Variants in TOP2B observed in about 807,000 individuals in gnomAD.
TOP2B encodes DNA topoisomerase 2-beta.
A neutral mutation model predicts 193.5 loss-of-function variants in TOP2B; 51 were observed. That is an observed-to-expected ratio of 0.26 (90% CI 0.21 to 0.33). TOP2B has a LOEUF of 0.33. Ranked by LOEUF, TOP2B falls within the 10% of genes least tolerant of loss-of-function variation. TOP2B has a pLI of 1.00. For missense variants in TOP2B, 1,378 were observed against 1,909.3 expected (o/e 0.72, Z 5.19); for synonymous variants, 634 against 635.7 (o/e 1.00, Z 0.04).
intron 1 of TOP2B, among the ~76,000 whole-genome samples, chr3:25,663,963 G>A (rs1053481912): frequency 6.6e-6 from 1 of 152,134 alleles, no homozygotes; most frequent in African/African-American, 2.4e-5. Context: ...AGCGGGGGCT[G>A]TATGTTACGT....
intron 28 of TOP2B, among the ~76,000 whole-genome samples, chr3:25,611,504 C>T (rs1291193945): frequency 3.3e-5 from 5 of 152,280 alleles, no homozygotes; most frequent in Admixed American, 2.6e-4. Flanking sequence ...GCTATATTCC[C>T]ACCTACTTGT....
intron 23 of TOP2B, 34 bp downstream of exon 23, chr3:25,619,828 A>G: frequency 6.7e-7 from 1 of 1,487,800 alleles, no homozygotes; most frequent in South Asian, 1.1e-5. Flanking sequence ...ACCATGCAAG[A>G]AAGATTAAAT....
intron 4 of TOP2B, among the ~76,000 whole-genome samples, chr3:25,640,583 T>A (rs1575581001): frequency 6.6e-6 from 1 of 152,122 alleles, no homozygotes; most frequent in East Asian, 1.9e-4. Flanking sequence ...TACACAAAAA[T>A]GTTTGCTGAT....
At chr3:25,621,553 G>T (rs976313250) in intron 21 of TOP2B, among the ~76,000 whole-genome samples, 22 of 152,038 alleles carry the variant, frequency 1.4e-4, no homozygotes, top group Admixed American at 1.4e-3. Flanking sequence ...TAGAGACAGG[G>T]TTTTGCCATG....
intron 33 of TOP2B, among the ~76,000 whole-genome samples, chr3:25,602,644 G>C (rs749631673): frequency 3.3e-5 from 5 of 152,118 alleles, no homozygotes; most frequent in African/African-American, 1.2e-4. Context: ...TCCCACCTGA[G>C]TCTTCATGAC....
intron 11 of TOP2B, 38 bp from the exon 12 acceptor site, chr3:25,630,507 TCATA>T: frequency 6.8e-7 from 1 of 1,468,166 alleles, no homozygotes; most frequent in Non-Finnish European, 9.1e-7. Flanking sequence ...TAAAAATTTC[TCATA>T]CTTTCACTGA....
rs376377866 is a variant in TOP2B, at chr3:25,633,912, C to T, written c.955G>A (p.Asp319Asn). 8 of 1,613,092 alleles carry T rather than the reference C, an allele frequency of 5.0e-6. No individual in the cohort carries two copies. The highest frequency in any genetic ancestry group is 6.8e-6 in the Non-Finnish European group (8 of 1,179,416). Residue 319 changes from aspartate to asparagine, a missense_variant, in exon 8 of 36, where the codon GAT (aspartate) becomes AAT (asparagine). By Grantham distance (23) the Asp-to-Asn change is conservative. Around this residue, in one of 9 missense-constraint regions of TOP2B, gnomAD observed 222 missense variants for 306.6 expected, o/e 0.72. Coordinates refer to ENST00000264331, the MANE Select transcript of TOP2B (RefSeq NM_001330700.2). ...TTTTCACTCAATGTGAGACAAACAT[C>T]CCATCTTTCATTTGCAAGCTCATGA... ...VIHELANERWDVCLTLSEKGF... is the reference protein window; with the variant it reads ...VIHELANERWNVCLTLSEKGF...
chr3:25,605,698 C>T (rs141124093), intron 32 of TOP2B, among the ~76,000 whole-genome samples: 5 of 152,112 alleles, frequency 3.3e-5, no homozygotes, highest in East Asian at 1.9e-4. Context: ...AGAAAACTGT[C>T]GTATATACAT....
Position 25,624,764 on chromosome 3 carries a change from A to G in TOP2B, c.2264T>C (p.Phe755Ser), listed in dbSNP as rs1702749455. Residue 755 changes from phenylalanine to serine, a missense_variant, in exon 19 of 36, where the codon TTC becomes TCC. Transcript: ENST00000264331. ...PGQRKVLFTC[F>S]KRNDKREVKV... is the part of the protein sequence containing the mutation. ...TACTTCACGTTTATCATTCCTCTTGAAACAGGTAAATAAAACTTTCCGCTG... is the reference window on the plus strand; with the variant it reads ...TACTTCACGTTTATCATTCCTCTTGGAACAGGTAAATAAAACTTTCCGCTG... 1 of 1,613,572 alleles carries G rather than the reference A, an allele frequency of 6.2e-7. No individual in the cohort carries two copies. The highest frequency in any genetic ancestry group is 1.3e-5 in the African/African-American group (1 of 74,914).
chr3:25,609,793 G>A, intron 28 of TOP2B, 81 bp from the exon 29 acceptor site: 1 of 1,340,346 alleles, frequency 7.5e-7, no homozygotes, highest in Non-Finnish European at 9.8e-7. Flanking sequence ...TCAACAGATA[G>A]CGCCTTCAAA....
chr3:25,640,652 A>C (rs1179950643), intron 4 of TOP2B, among the ~76,000 whole-genome samples: 1 of 152,098 alleles, frequency 6.6e-6, no homozygotes, highest in African/African-American at 2.4e-5. Flanking sequence ...ATTATGTTGA[A>C]TTACTCTTTC....
Position 25,639,602 on chromosome 3 carries a change from A to G in TOP2B, c.396-1292T>C, listed in dbSNP as rs1703202986. Among the ~76,000 whole-genome samples the G allele has an allele frequency of 1.3e-5, 2 of 152,212 alleles. 1 individual carries two copies. Among genetic ancestry groups the G allele is most frequent in the Admixed American group, 1.3e-4 (2 of 15,276 alleles). ...ATTACAGGCGTGAGCCACCGCGCCC[A>G]GCCTCCACATTTGTTTTTAATCAGA... On this transcript the variant is annotated intron_variant, in intron 4 of 35. Transcript: ENST00000264331.
chr3:25,609,460 A>G lies in TOP2B; in HGVS notation c.3931+108T>C, dbSNP rs1702315368. Reference sequence around the variant, plus strand: ...CAAAATAAACGTTTATGAAAATTGAAGGCATTATTTCAACTACCAGAAAAA... The same window carrying G: ...CAAAATAAACGTTTATGAAAATTGAGGGCATTATTTCAACTACCAGAAAAA... On this transcript the variant is annotated intron_variant, in intron 29 of 35. Transcript: ENST00000264331. 19 of 1,466,248 alleles carry G rather than the reference A, an allele frequency of 1.3e-5. No homozygotes were observed. The South Asian group carries it at 2.5e-4, about 19-fold the overall frequency. 90.8% of individuals were successfully genotyped at this position (1,466,248 alleles called of 1,614,324 possible). A position where few individuals can be genotyped will look rare whatever the true frequency, so the allele number is the denominator to read the frequency against.
Position 25,629,018 on chromosome 3 carries a change from A to G in TOP2B, c.1800+17T>C. ...CTTTAAGACAACAATATAAAAATAT[A>G]TTAATGCAAAGAGTACCTTTACAAT... On this transcript the variant is annotated intron_variant, in intron 14 of 35. Coordinates refer to ENST00000264331, the MANE Select transcript of TOP2B (RefSeq NM_001330700.2). 6.4e-7 allele frequency: 1 copy of G among 1,573,404 alleles called. No individual in the cohort carries two copies. Among genetic ancestry groups the G allele is most frequent in the Non-Finnish European group, 8.6e-7 (1 of 1,157,948 alleles).
intron 1 of TOP2B, among the ~76,000 whole-genome samples, chr3:25,647,492 T>A (rs1703441978): frequency 6.6e-6 from 1 of 152,122 alleles, no homozygotes; most frequent in South Asian, 2.1e-4. Context: ...GCTTTCGTAT[T>A]CCAGGCTACT....
intron 1 of TOP2B, among the ~76,000 whole-genome samples, chr3:25,656,084 T>C (rs1424262638): frequency 6.6e-6 from 1 of 152,224 alleles, no homozygotes; most frequent in African/African-American, 2.4e-5. Context: ...ATATTATTTG[T>C]AATTTTCTCT....
chr3:25,620,373 T>G (rs1410148088), intron 22 of TOP2B, among the ~76,000 whole-genome samples: 1 of 152,120 alleles, frequency 6.6e-6, no homozygotes, highest in Non-Finnish European at 1.5e-5. Context: ...GTAAAGCTGA[T>G]GCTGACATGA....
At chr3:25,649,051 A>G (rs141956420) in intron 1 of TOP2B, among the ~76,000 whole-genome samples, 4 of 152,370 alleles carry the variant, frequency 2.6e-5, no homozygotes, top group Admixed American at 2.6e-4. Context: ...ACTATGATGA[A>G]GTAGCAAACA....
chr3:25,652,064 A>G (rs1703607699), intron 1 of TOP2B, among the ~76,000 whole-genome samples: 1 of 152,212 alleles, frequency 6.6e-6, no homozygotes, highest in East Asian at 1.9e-4. Flanking sequence ...ACATCAGACA[A>G]CATAGAGTTT....
Sources: gnomAD v4.1 joint callset for allele counts (sites outside exome capture counted in the v4.1 genomes callset) on GRCh38, gnomAD v4.1.1 for gene constraint, gnomAD v4.1.1 regional missense constraint, MANE v1.5 for transcripts, NCBI Gene and HGNC (gene_info 2026-07-23, HGNC 2026-07-21) for gene names.